The following KCNK13 variants were observed in gnomAD, a reference collection of about 807,000 sequenced individuals.
KCNK13 encodes the protein potassium two pore domain channel subfamily K member 13.
In KCNK13, 12 loss-of-function variants were observed where a neutral mutation model predicts 23.4. The ratio of observed to expected loss-of-function variants is 0.51; its 90% CI spans 0.33 to 0.83. KCNK13 has a LOEUF of 0.83. Among genes scored for constraint, KCNK13 ranks in the 40% least tolerant of loss-of-function variants. The pLI is 0.02. For synonymous variants in KCNK13, 231 were observed against 229.5 expected, an observed-to-expected ratio of 1.01 and a Z score of -0.06; for missense variants, 463 against 556.3, an observed-to-expected ratio of 0.83 and a Z score of 1.69.
chr14:90,120,683 T>C (rs965432936), intron 1 of KCNK13, among the ~76,000 whole-genome samples: 2 of 152,196 alleles, frequency 1.3e-5, no homozygotes, highest in Non-Finnish European at 2.9e-5. Context: ...TATGGGATTA[T>C]GGGATTAAAA....
At chr14:90,128,709 C>T (rs1231678311) in intron 1 of KCNK13, among the ~76,000 whole-genome samples, 15 of 152,180 alleles carry the variant, frequency 9.9e-5, no homozygotes, top group Non-Finnish European at 4.4e-5. Context: ...CTCAAACATC[C>T]TATCTCTCAC....
intron 1 of KCNK13, among the ~76,000 whole-genome samples, chr14:90,118,713 C>T (rs1360217303): frequency 1.3e-5 from 2 of 152,158 alleles, no homozygotes; most frequent in African/African-American, 2.4e-5. Context: ...TACATCCCCA[C>T]GGGAATGCAC....
chr14:90,069,030 C>CTTTTTTTTTTT (rs34881625), intron 1 of KCNK13, among the ~76,000 whole-genome samples: 11 of 90,116 alleles, frequency 1.2e-4, no homozygotes, highest in Non-Finnish European at 1.7e-4. Flanking sequence ...AGTTTTTATT[C>CTTTTTTTTTTT]TTTTTTTTTT....
intron 1 of KCNK13, among the ~76,000 whole-genome samples, chr14:90,098,902 A>C (rs1889442483): frequency 6.6e-6 from 1 of 151,922 alleles, no homozygotes; most frequent in African/African-American, 2.4e-5. Flanking sequence ...AGATGGTGAA[A>C]CCCCATCTCT....
intron 1 of KCNK13, among the ~76,000 whole-genome samples, chr14:90,174,056 C>T (rs1890394842): frequency 1.3e-5 from 2 of 152,130 alleles, no homozygotes; most frequent in African/African-American, 2.4e-5. Flanking sequence ...CCTGTAATCC[C>T]AGCACTTTGG....
At chr14:90,164,464 G>A (rs571480129) in intron 1 of KCNK13, among the ~76,000 whole-genome samples, 1 of 152,180 alleles carries the variant, frequency 6.6e-6, no homozygotes, top group South Asian at 2.1e-4. Flanking sequence ...TGGAAGGAAG[G>A]GGGAAGGGAA....
At chr14:90,109,612 A>G (rs113058518) in intron 1 of KCNK13, among the ~76,000 whole-genome samples, 2,548 of 151,798 alleles carry the variant, frequency 0.017, 68 homozygotes, top group African/African-American at 0.058. Context: ...AGGTTTCACC[A>G]TGTTAGCCAG....
intron 1 of KCNK13, among the ~76,000 whole-genome samples, chr14:90,086,562 T>A (rs1889277967): frequency 6.6e-6 from 1 of 152,208 alleles, no homozygotes; most frequent in Non-Finnish European, 1.5e-5. Context: ...TGTGTTTTAT[T>A]TGATGTTACT....
Position 90,184,743 on chromosome 14 carries a change from T to A in KCNK13, c.967T>A (p.Cys323Ser). 1 of 1,614,146 alleles carries A rather than the reference T, an allele frequency of 6.2e-7. No individual in the cohort carries two copies. Reference sequence around the variant, plus strand: ...GATGCCAGGCAGCGTCCGGAACCGCTGCAACATCTCCATAGAGACAGACGG... The same window carrying A: ...GATGCCAGGCAGCGTCCGGAACCGCAGCAACATCTCCATAGAGACAGACGG... ...VVMPGSVRNR[C>S]NISIETDGVA... is the part of the protein sequence containing the mutation. The change falls in exon 2 of 2, where the codon TGC becomes AGC. Residue 323 changes from cysteine (C) to serine (S), a missense_variant. By Grantham distance (112) the Cys-to-Ser change is moderately radical. This residue lies in a region of KCNK13 where 166 missense variants were observed against 178.8 expected (regional missense o/e 0.93). Transcript: ENST00000282146. The surrounding 1 kb of genome is among the most constrained non-coding windows in gnomAD (Gnocchi z 5.6).
At chr14:90,070,829 A>T (rs990860315) in intron 1 of KCNK13, among the ~76,000 whole-genome samples, 11 of 152,198 alleles carry the variant, frequency 7.2e-5, no homozygotes, top group Non-Finnish European at 1.3e-4. Flanking sequence ...GGGAATGAGA[A>T]AACTGGAAGA....
chr14:90,094,510 C>G (rs149378129), intron 1 of KCNK13, among the ~76,000 whole-genome samples: 26 of 152,298 alleles, frequency 1.7e-4, no homozygotes, highest in African/African-American at 6.3e-4. Flanking sequence ...TAGCTCACAT[C>G]AACTCAAGTC....
chr14:90,101,116 AC>A (rs1242090408), intron 1 of KCNK13, among the ~76,000 whole-genome samples: 1 of 152,178 alleles, frequency 6.6e-6, no homozygotes, highest in African/African-American at 2.4e-5. Flanking sequence ...TCAGTCTGTA[AC>A]ATGGGCTGAT....
At chr14:90,095,222 T>C (rs1303188425) in intron 1 of KCNK13, among the ~76,000 whole-genome samples, 1 of 152,228 alleles carries the variant, frequency 6.6e-6, no homozygotes, top group Non-Finnish European at 1.5e-5. Context: ...TAATCTGTGA[T>C]ATCTAGAGTC....
chr14:90,103,619 A>G (rs996422323), intron 1 of KCNK13, among the ~76,000 whole-genome samples: 4 of 152,128 alleles, frequency 2.6e-5, no homozygotes, highest in African/African-American at 9.7e-5. Flanking sequence ...CTGTAATGCA[A>G]TGGCGTGATC....
chr14:90,073,548 C>T (rs1396542788), intron 1 of KCNK13, among the ~76,000 whole-genome samples: 1 of 152,210 alleles, frequency 6.6e-6, no homozygotes, highest in African/African-American at 2.4e-5. Context: ...AAGGCATGGG[C>T]CCTGAAGATC....
At chr14:90,150,808 G>C (rs1890126755) in intron 1 of KCNK13, among the ~76,000 whole-genome samples, 1 of 152,120 alleles carries the variant, frequency 6.6e-6, no homozygotes, top group Non-Finnish European at 1.5e-5. Flanking sequence ...GATGAGATCT[G>C]GTTGCTTAAA....
intron 1 of KCNK13, among the ~76,000 whole-genome samples, chr14:90,084,276 C>T (rs1197958899): frequency 6.6e-6 from 1 of 152,168 alleles, no homozygotes; most frequent in Non-Finnish European, 1.5e-5. Context: ...AATCTATGAA[C>T]ATGGGATGTC....
intron 1 of KCNK13, among the ~76,000 whole-genome samples, chr14:90,091,809 A>G (rs757512334): frequency 3.3e-5 from 5 of 152,074 alleles, no homozygotes; most frequent in Admixed American, 6.5e-5. Flanking sequence ...GAAGGAGAAG[A>G]CCATCAGAAA....
rs138772129 is a variant in KCNK13 at position 90,150,955 on chromosome 14, G to T, written c.335-33156G>T. On this transcript the variant is annotated intron_variant, in intron 1 of 1. Transcript: ENST00000282146. ...GATTGCGCCACTATACTCCAGCCTG[G>T]GTGATAGAGCAAGACCTTGTCTCAA... Among the ~76,000 whole-genome samples, 1,027 of 152,054 alleles carry T rather than the reference G, an allele frequency of 6.8e-3. 10 individuals are homozygous for T. The highest frequency in any genetic ancestry group is 0.023 in the African/African-American group (947 of 41,456).
Sources: gnomAD v4.1 joint callset for allele counts (sites outside exome capture counted in the v4.1 genomes callset) on GRCh38, gnomAD v4.1.1 for gene constraint, gnomAD v4.1.1 regional missense constraint, Gnocchi (gnomAD v3.1) non-coding constraint, MANE v1.5 for transcripts, NCBI Gene and HGNC (gene_info 2026-07-23, HGNC 2026-07-21) for gene names.